The following CCDC34 variants were observed in gnomAD, a reference collection of about 807,000 sequenced individuals.
The protein encoded by CCDC34 is coiled-coil domain-containing protein 34.
Under a neutral mutation model 44.1 loss-of-function variants are expected in CCDC34, and 40 were observed. The ratio of observed to expected loss-of-function variants is 0.91; its 90% CI spans 0.70 to 1.18. The LOEUF (loss-of-function observed/expected upper bound fraction) is 1.18, where lower values mean the gene tolerates loss of function less well. CCDC34 is among the 50% of genes most tolerant of loss of function. The pLI is 0.00. For missense variants in CCDC34, 466 were observed against 452.3 expected (o/e 1.03, Z -0.28); for synonymous variants, 159 against 158.2 (o/e 1.01, Z -0.04).
At chr11:27,347,052 A>G (rs1407268984) in intron 3 of CCDC34, among the ~76,000 whole-genome samples, 1 of 152,164 alleles carries the variant, frequency 6.6e-6, no homozygotes, top group African/African-American at 2.4e-5. Context: ...TAAACCACCC[A>G]ATTTGTGGTA....
intron 2 of CCDC34, among the ~76,000 whole-genome samples, chr11:27,357,128 A>C (rs1430876550): frequency 6.6e-6 from 1 of 152,174 alleles, no homozygotes; most frequent in Non-Finnish European, 1.5e-5. Context: ...AAATCTGGAA[A>C]GCTATGTCAT....
intron 4 of CCDC34, 31 bp from the exon 5 acceptor site, chr11:27,340,868 G>T: frequency 6.3e-7 from 1 of 1,599,240 alleles, no homozygotes; most frequent in Non-Finnish European, 8.5e-7. Context: ...ATATTTCCAG[G>T]GATATTCTGT....
At chr11:27,349,693 T>C (rs998668710) in intron 3 of CCDC34, 1 of 981,778 alleles carries the variant, frequency 1.0e-6, no homozygotes, top group African/African-American at 1.7e-5. Flanking sequence ...AAGGAAAAAA[T>C]GCAGCCATTC....
intron 3 of CCDC34, among the ~76,000 whole-genome samples, chr11:27,346,533 G>A (rs549771139): frequency 1.3e-5 from 2 of 150,486 alleles, no homozygotes; most frequent in East Asian, 3.9e-4. Context: ...AGTTAAATGG[G>A]AAGAAATATT....
chr11:27,359,963 T>A (rs1862638933), intron 1 of CCDC34, among the ~76,000 whole-genome samples: 1 of 152,214 alleles, frequency 6.6e-6, no homozygotes, highest in Non-Finnish European at 1.5e-5. Context: ...TTTTTTTATT[T>A]CAAGAGCCTG....
At position 27,360,372 on chromosome 11, in the gene CCDC34, T is replaced by TCCTCTAAACATA. The variant is rs1209954231; in HGVS notation, c.359+2463_359+2464insTATGTTTAGAGG. On this transcript the variant is annotated intron_variant, in intron 1 of 5. Transcript: ENST00000328697. ...TGAAGGTCAATGCATCCTCTAAACA[T>TCCTCTAAACATA]GGCACTATTTATACCAAAAATACCT... 1.8e-4 allele frequency among the ~76,000 whole-genome samples: 27 copies of TCCTCTAAACATA among 152,326 alleles called. No individual in the cohort carries two copies. In the South Asian group the frequency reaches 4.8e-3, roughly 27 times the overall value.
intron 5 of CCDC34, among the ~76,000 whole-genome samples, chr11:27,339,493 G>C (rs926539901): frequency 1.3e-5 from 2 of 152,154 alleles, no homozygotes; most frequent in African/African-American, 4.8e-5. Flanking sequence ...TAGAATCACA[G>C]AAATTCTGAA....
intron 2 of CCDC34, among the ~76,000 whole-genome samples, chr11:27,353,943 A>G (rs1298297995): frequency 6.6e-6 from 1 of 152,204 alleles, no homozygotes. Flanking sequence ...CATGCTTTTT[A>G]GTTTTAATAG....
At chr11:27,343,315 T>C (rs1862389760) in intron 3 of CCDC34, among the ~76,000 whole-genome samples, 1 of 151,896 alleles carries the variant, frequency 6.6e-6, no homozygotes, top group Admixed American at 6.6e-5. Context: ...GGCAGGAGAA[T>C]TGCTTGAACC....
chr11:27,350,480 G>A (rs1048509191), intron 2 of CCDC34, 41 bp from the exon 3 acceptor site: 2 of 1,520,896 alleles, frequency 1.3e-6, no homozygotes, highest in Non-Finnish European at 8.9e-7. Flanking sequence ...TTTAATAGAA[G>A]TACCCAAATA....
chr11:27,358,114 T>C (rs554741327), intron 1 of CCDC34, among the ~76,000 whole-genome samples: 166 of 152,330 alleles, frequency 1.1e-3, no homozygotes, highest in Non-Finnish European at 2.0e-3. Context: ...AACATTTTGG[T>C]TGACACCCTT....
chr11:27,349,659 C>T, intron 3 of CCDC34: 1 of 983,136 alleles, frequency 1.0e-6, no homozygotes, highest in Non-Finnish European at 1.2e-6. Context: ...GTGTGTGATC[C>T]ATAGAAGAAT....
chr11:27,354,205 T>G (rs1862541148), intron 2 of CCDC34, among the ~76,000 whole-genome samples: 1 of 152,106 alleles, frequency 6.6e-6, no homozygotes, highest in Non-Finnish European at 1.5e-5. Context: ...CACTTCAGAG[T>G]TGAGTAATAA....
At position 27,341,408 on chromosome 11, in the gene CCDC34, C is replaced by T. The variant is rs1862356315; in HGVS notation, c.749G>A (p.Arg250Lys). The change falls in exon 4 of 6, where the codon AGG becomes AAG. Residue 250 changes from arginine to lysine, a missense_variant. Transcript: ENST00000328697. ...LKKKNAEECE[R>K]KKKEKEKEKQ... ...TAAAAATACCTTTTCTTTCTTCTTC[C>T]TCTCACATTCTTCAGCATTTTTTTT... is the stretch of plus-strand genomic sequence containing the variant. The T allele has an allele frequency of 6.9e-7, 1 of 1,456,428 alleles. No homozygotes were observed. The highest frequency in any genetic ancestry group is 1.4e-5 in the South Asian group (1 of 70,906). 90.2% of individuals were successfully genotyped at this position (1,456,428 alleles called of 1,614,324 possible).
chr11:27,344,208 A>G (rs1476944644), intron 3 of CCDC34, among the ~76,000 whole-genome samples: 1 of 152,210 alleles, frequency 6.6e-6, no homozygotes, highest in Non-Finnish European at 1.5e-5. Flanking sequence ...GAGAAAAAGT[A>G]AACATATCAA....
At chr11:27,347,896 A>G (rs759328810) in intron 3 of CCDC34, among the ~76,000 whole-genome samples, 1 of 152,152 alleles carries the variant, frequency 6.6e-6, no homozygotes, top group Non-Finnish European at 1.5e-5. Flanking sequence ...AGCTCAATAG[A>G]ATTAATTCTG....
At position 27,341,448 on chromosome 11, in the gene CCDC34, G is replaced by T; in HGVS notation, c.709C>A (p.Gln237Lys). 2 of 1,452,378 alleles carry T rather than the reference G, an allele frequency of 1.4e-6. No homozygotes were observed. Among genetic ancestry groups the T allele is most frequent in the East Asian group, 2.5e-5 (1 of 40,038 alleles). 90.0% of individuals were successfully genotyped at this position (1,452,378 alleles called of 1,614,324 possible). The change falls in exon 4 of 6, where the codon CAA becomes AAA. Residue 237 changes from glutamine (Q) to lysine (K), a missense_variant. Coordinates refer to ENST00000328697, the MANE Select transcript of CCDC34 (RefSeq NM_030771.2). ...YLQEKAKEKY[Q>K]EWLKKKNAEE... ...GCATTTTTTTTCTTTAACCATTCTT[G>T]ATATTTTTCTTTTGCTTTTTCTTGC...
At chr11:27,347,496 CT>C (rs1862450251) in intron 3 of CCDC34, among the ~76,000 whole-genome samples, 1 of 151,912 alleles carries the variant, frequency 6.6e-6, no homozygotes, top group South Asian at 2.1e-4. Flanking sequence ...TAAACAATTT[CT>C]ATGAAATTGA....
intron 3 of CCDC34, chr11:27,349,987 G>A: frequency 8.7e-7 from 1 of 1,149,918 alleles, no homozygotes. Flanking sequence ...AGAAATGGGA[G>A]GATGGATTTA....
Sources: gnomAD v4.1 joint callset for allele counts (sites outside exome capture counted in the v4.1 genomes callset) on GRCh38, gnomAD v4.1.1 for gene constraint, MANE v1.5 for transcripts, NCBI Gene and HGNC (gene_info 2026-07-23, HGNC 2026-07-21) for gene names.